Variants in NPLOC4 observed in about 807,000 individuals in gnomAD.
NPLOC4 encodes the protein NPL4 homolog, ubiquitin recognition factor, also known as nuclear protein localization protein 4 homolog.
NPLOC4 carries 18 observed loss-of-function variants against 80.6 expected under a neutral mutation model. That is an observed-to-expected ratio of 0.22 (90% CI 0.15 to 0.33). The LOEUF (loss-of-function observed/expected upper bound fraction) is 0.33, where lower values mean the gene tolerates loss of function less well. Ranked by LOEUF, NPLOC4 falls within the 10% of genes least tolerant of loss-of-function variation. NPLOC4 has a pLI of 1.00. For synonymous variants in NPLOC4, 313 were observed against 301.5 expected (o/e 1.04, Z -0.39); for missense variants, 540 against 786.1 (o/e 0.69, Z 3.74).
chr17:81,585,691 G>A (rs2034565191), intron 12 of NPLOC4, among the ~76,000 whole-genome samples: 1 of 149,462 alleles, frequency 6.7e-6, no homozygotes, highest in South Asian at 2.1e-4. Flanking sequence ...GAAATCAGAG[G>A]CTGGGTGCAG....
chr17:81,622,652 G>C (rs768923275), intron 2 of NPLOC4, among the ~76,000 whole-genome samples: 1 of 152,174 alleles, frequency 6.6e-6, no homozygotes, highest in Non-Finnish European at 1.5e-5. Flanking sequence ...CCAGGTTCCA[G>C]TGATTCTCCT....
chr17:81,590,495 T>C (rs2144145493), intron 11 of NPLOC4, among the ~76,000 whole-genome samples: 1 of 152,216 alleles, frequency 6.6e-6, no homozygotes, highest in South Asian at 2.1e-4. Flanking sequence ...CTGACTACAA[T>C]CTCATTATTT....
chr17:81,608,627 A>G, intron 6 of NPLOC4, 101 bp downstream of exon 6: 1 of 813,906 alleles, frequency 1.2e-6, no homozygotes, highest in Non-Finnish European at 2.1e-6. Context: ...ACCCCTTCTC[A>G]TCTTTACTTC....
intron 11 of NPLOC4, among the ~76,000 whole-genome samples, chr17:81,595,041 T>C (rs2034862856): frequency 6.6e-6 from 1 of 152,106 alleles, no homozygotes. Context: ...AACACTTTTC[T>C]TTCTTTTTTT....
intron 7 of NPLOC4, among the ~76,000 whole-genome samples, chr17:81,605,915 G>A (rs1489500363): frequency 1.3e-5 from 2 of 151,266 alleles, no homozygotes; most frequent in Non-Finnish European, 2.9e-5. Flanking sequence ...TCTGCCTTCA[G>A]GTTCAAGTGA....
intron 16 of NPLOC4, chr17:81,563,813 T>C (rs2033924144): frequency 5.2e-6 from 2 of 385,344 alleles, no homozygotes; most frequent in Admixed American, 3.3e-5. Flanking sequence ...TGCAGCAACA[T>C]GGATGCAGTT....
At chr17:81,590,832 G>A (rs139585886) in intron 11 of NPLOC4, among the ~76,000 whole-genome samples, 194 of 152,284 alleles carry the variant, frequency 1.3e-3, no homozygotes, top group African/African-American at 4.5e-3. Flanking sequence ...AGAGCTGGCC[G>A]CCATGAAGCT....
chr17:81,579,578 C>T (rs780790774), intron 12 of NPLOC4, among the ~76,000 whole-genome samples: 25 of 152,036 alleles, frequency 1.6e-4, no homozygotes, highest in African/African-American at 5.6e-4. Context: ...TGCATCCCAT[C>T]GCTCCTGCCA....
intron 12 of NPLOC4, chr17:81,573,622 A>T (rs1487124613): frequency 4.6e-5 from 7 of 152,232 alleles, no homozygotes; most frequent in Non-Finnish European, 7.3e-5. Context: ...AAAAATTTTT[A>T]AATTCAATTT....
At position 81,572,225 on chromosome 17, in the gene NPLOC4, G is replaced by A. The variant is rs555666690; in HGVS notation, c.1282-137C>T. The A allele has an allele frequency of 1.2e-4, 44 of 361,704 alleles. No homozygotes were observed. Among genetic ancestry groups the A allele is most frequent in the Non-Finnish European group, 1.7e-4 (38 of 224,148 alleles). 22.4% of individuals were successfully genotyped at this position (361,704 alleles called of 1,614,324 possible). On this transcript the variant is annotated intron_variant, in intron 12 of 16. Transcript: ENST00000331134. This position sits in a 1 kb window ranked among gnomAD's most constrained non-coding sequence, Gnocchi z 4.5. ...ATTTTTTGAGACAGAGTCTTGTGCT[G>A]TCGCCCAGGCTGGAATGCAGTGGCG...
Position 81,572,185 on chromosome 17 carries a change from T to C in NPLOC4, c.1282-97A>G. On this transcript the variant is annotated intron_variant, in intron 12 of 16. Transcript: ENST00000331134. This position sits in a 1 kb window ranked among gnomAD's most constrained non-coding sequence, Gnocchi z 4.5. ...TCTCACCTTTTATTTAATTAATTAA[T>C]TTATTTATTTATTTATTTTTTGAGA... is the stretch of plus-strand genomic sequence containing the variant. 1 of 531,836 alleles carries C rather than the reference T, an allele frequency of 1.9e-6. No individual in the cohort carries two copies. The highest frequency in any genetic ancestry group is 2.1e-5 in the African/African-American group (1 of 48,578). 32.9% of individuals were successfully genotyped at this position (531,836 alleles called of 1,614,324 possible). A position where few individuals can be genotyped will look rare whatever the true frequency, so the allele number is the denominator to read the frequency against.
intron 12 of NPLOC4, among the ~76,000 whole-genome samples, chr17:81,581,346 CGCAAAAAAA>C (rs2034433436): frequency 2.6e-5 from 1 of 38,968 alleles, no homozygotes. Flanking sequence ...CAGACTCCAA[CGCAAAAAAA>C]AAAAAAAAAA....
At chr17:81,607,586 T>C (rs1007298609) in intron 6 of NPLOC4, among the ~76,000 whole-genome samples, 1 of 152,140 alleles carries the variant, frequency 6.6e-6, no homozygotes, top group African/African-American at 2.4e-5. Context: ...CCATTTTTGG[T>C]ATCATAGCAT....
At chr17:81,593,383 G>A (rs1046237648) in intron 11 of NPLOC4, among the ~76,000 whole-genome samples, 3 of 151,986 alleles carry the variant, frequency 2.0e-5, no homozygotes, top group African/African-American at 7.2e-5. Flanking sequence ...TACGGATCCT[G>A]CTGTGCTGTC....
At chr17:81,630,397 C>G (rs371889199) in intron 1 of NPLOC4, among the ~76,000 whole-genome samples, 33 of 152,204 alleles carry the variant, frequency 2.2e-4, no homozygotes, top group African/African-American at 7.5e-4. Context: ...AAGTGATCCT[C>G]TGACCTCAGC....
intron 16 of NPLOC4, 146 bp from the exon 17 acceptor site, chr17:81,559,562 C>T: frequency 1.2e-6 from 1 of 844,566 alleles, no homozygotes; most frequent in Non-Finnish European, 1.8e-6. Context: ...ACAGCACTCC[C>T]ACCACAGGCA....
At chr17:81,565,778 C>T (rs1188578203) in intron 15 of NPLOC4, among the ~76,000 whole-genome samples, 171 bp from the exon 16 acceptor site, 2 of 152,204 alleles carry the variant, frequency 1.3e-5, no homozygotes, top group African/African-American at 2.4e-5. Context: ...TCTATAAACG[C>T]AAGTGCTAAA....
rs767533743 is a variant in NPLOC4 at position 81,613,369 on chromosome 17, TG to T, written c.334del (p.Gln112SerfsTer33). 6.2e-7 allele frequency: 1 copy of T among 1,614,032 alleles called. No individual in the cohort carries two copies. The highest frequency in any genetic ancestry group is 8.5e-7 in the Non-Finnish European group (1 of 1,179,904). ...CTTCCCGTCCTGTTTGCTGAGGTAC[TG>T]ATCAATCTCATCCTCCACCACGTTG... ...APNVVEDEIDQYLSKQDGKIY... is the reference protein window; with the variant it reads ...APNVVEDEIDXYLSKQDGKIY... On this transcript the variant is annotated frameshift_variant, in exon 4 of 17. Coordinates refer to ENST00000331134, the MANE Select transcript of NPLOC4 (RefSeq NM_017921.4). LOFTEE classifies it high-confidence loss of function.
intron 11 of NPLOC4, among the ~76,000 whole-genome samples, chr17:81,593,062 G>A (rs2034793894): frequency 6.6e-6 from 1 of 152,162 alleles, no homozygotes; most frequent in Non-Finnish European, 1.5e-5. Context: ...GAAATACTGT[G>A]GAACTGTTCC....
Sources: allele counts gnomAD v4.1 joint callset (sites outside exome capture counted in the v4.1 genomes callset), GRCh38; gene constraint gnomAD v4.1.1; non-coding constraint Gnocchi (gnomAD v3.1); transcripts MANE v1.5; gene names NCBI Gene and HGNC (gene_info 2026-07-23, HGNC 2026-07-21).